The following PTGER3 variants were observed in gnomAD, a reference collection of about 807,000 sequenced individuals.
The protein encoded by PTGER3 is prostaglandin E2 receptor EP3 subtype.
A neutral mutation model predicts 34.7 loss-of-function variants in PTGER3; 22 were observed. That is an observed-to-expected ratio of 0.63 (90% CI 0.45 to 0.91). The LOEUF is 0.91. PTGER3 is among the 40% of genes least tolerant of loss of function. PTGER3 has a pLI of 0.00. For missense variants in PTGER3, 468 were observed against 519.4 expected (o/e 0.90, Z 0.96); for synonymous variants, 241 against 230.1 (o/e 1.05, Z -0.43).
downstream of PTGER3, among the ~76,000 whole-genome samples, chr1:70,948,203 C>T (rs79742773): frequency 2.6e-5 from 4 of 152,032 alleles, no homozygotes; most frequent in African/African-American, 9.7e-5. Flanking sequence ...CCACCCAAAT[C>T]TCTGCTTGAA....
rs535489906 is a variant in PTGER3 at position 71,045,029 on chromosome 1, G to C, written c.897+1652C>G. On this transcript the variant is annotated intron_variant, in intron 1 of 3. Transcript: ENST00000306666. The stretch of plus-strand genomic sequence containing the variant: ...TTCCTCAGCCATAAAAGTAAATACT[G>C]TATATCTAAAACTGGTGCTGGTTTT... Among the ~76,000 whole-genome samples the C allele has an allele frequency of 3.9e-5, 6 of 152,236 alleles. No individual in the cohort carries two copies. The East Asian group carries it at 7.7e-4, about 20-fold the overall frequency.
chr1:71,015,321 G>A (rs74872778), intron 1 of PTGER3, among the ~76,000 whole-genome samples: 13,942 of 152,054 alleles, frequency 0.092, 791 homozygotes, highest in African/African-American at 0.15. Context: ...AGAAAATGTG[G>A]GTCTCTAAGA....
At chr1:70,914,488 T>C (rs188327241) in intron 4 of PTGER3, among the ~76,000 whole-genome samples, 44 of 152,040 alleles carry the variant, frequency 2.9e-4, no homozygotes, top group African/African-American at 9.6e-4. Flanking sequence ...AATATAAGCA[T>C]TTCAAAAACA....
At chr1:70,979,463 T>TGG (rs1654041082) in intron 2 of PTGER3, among the ~76,000 whole-genome samples, 3 of 145,866 alleles carry the variant, frequency 2.1e-5, no homozygotes, top group African/African-American at 5.1e-5. Flanking sequence ...CAGACAGATT[T>TGG]GTCACTTCAG....
intron 4 of PTGER3, among the ~76,000 whole-genome samples, chr1:70,945,818 A>G (rs905733108): frequency 1.3e-5 from 2 of 152,092 alleles, no homozygotes; most frequent in South Asian, 2.1e-4. Context: ...GATGTGCATA[A>G]ACTCAATAGG....
At chr1:70,945,556 T>A (rs1025239793) in intron 4 of PTGER3, among the ~76,000 whole-genome samples, 4 of 152,116 alleles carry the variant, frequency 2.6e-5, no homozygotes, top group Non-Finnish European at 4.4e-5. Context: ...AAGTTTTTTT[T>A]ATGAAAATTT....
intron 4 of PTGER3, among the ~76,000 whole-genome samples, chr1:70,853,262 C>A (rs1214372250): frequency 1.3e-5 from 2 of 152,130 alleles, no homozygotes; most frequent in Non-Finnish European, 2.9e-5. Flanking sequence ...AGGCTAATTT[C>A]AATTTATAGT....
At position 71,047,148 on chromosome 1, in the gene PTGER3, A is replaced by G. The variant is rs750362357; in HGVS notation, c.430T>C (p.Ser144Pro). ...GCCATGGCGCTGGCGATGAACAACG[A>G]GGAGAGCCCGAAAACAGTCATGGTC... The part of the protein sequence containing the change: ...GLTMTVFGLS[S>P]LFIASAMAVE... The change falls in exon 1 of 4, where the codon TCG (serine) becomes CCG (proline). Residue 144 changes from serine (S) to proline (P), a missense_variant. This residue lies in a region of PTGER3 where 53 missense variants were observed against 93.9 expected (regional missense o/e 0.56). Transcript: ENST00000306666. 6.2e-7 allele frequency: 1 copy of G among 1,601,432 alleles called. No individual in the cohort carries two copies. The highest frequency in any genetic ancestry group is 1.7e-5 in the Admixed American group (1 of 57,514).
chr1:70,919,515 A>G (rs1287986468), intron 4 of PTGER3, among the ~76,000 whole-genome samples: 1 of 152,194 alleles, frequency 6.6e-6, no homozygotes, highest in African/African-American at 2.4e-5. Flanking sequence ...TTTAGATTTT[A>G]ATCACCAATC....
Position 70,952,824 on chromosome 1 carries a change from A to C in PTGER3, c.*83T>G, listed in dbSNP as rs1650892460. 6 of 1,417,618 alleles carry C rather than the reference A, an allele frequency of 4.2e-6. 1 individual carries two copies. The South Asian group carries it at 1.1e-4, about 26-fold the overall frequency. The allele number at this position is 1,417,618 out of a possible 1,614,324, so 87.8% of individuals were successfully genotyped here. A position where few individuals can be genotyped will look rare whatever the true frequency, so the allele number is the denominator to read the frequency against. Reference sequence around the variant, plus strand: ...AATCAACACATGGAAAGTGCTCAAAATAAGCAGGGATTAGAGTCACAAACT... The same window carrying C: ...AATCAACACATGGAAAGTGCTCAAACTAAGCAGGGATTAGAGTCACAAACT... On this transcript the variant is annotated 3_prime_UTR_variant, in exon 4 of 4. Transcript: ENST00000356595.
At chr1:70,927,260 C>A (rs1389663153) in intron 4 of PTGER3, among the ~76,000 whole-genome samples, 1 of 151,988 alleles carries the variant, frequency 6.6e-6, no homozygotes, top group African/African-American at 2.4e-5. Flanking sequence ...GGAATGGTAC[C>A]AGTTCTTCCT....
At chr1:71,029,217 A>G (rs1009864320) in intron 1 of PTGER3, among the ~76,000 whole-genome samples, 10 of 152,182 alleles carry the variant, frequency 6.6e-5, no homozygotes, top group African/African-American at 2.4e-4. Context: ...TTCATTTCAC[A>G]ATCATTTATT....
chr1:70,937,934 T>C (rs1204732877), intron 4 of PTGER3, among the ~76,000 whole-genome samples: 4 of 152,232 alleles, frequency 2.6e-5, no homozygotes, highest in Non-Finnish European at 2.9e-5. Context: ...ACCAAATGGG[T>C]AAGAGTTAGT....
chr1:70,957,232 C>T (rs981100109), intron 2 of PTGER3, among the ~76,000 whole-genome samples: 1 of 152,286 alleles, frequency 6.6e-6, no homozygotes, highest in African/African-American at 2.4e-5. Flanking sequence ...CATCTGATTT[C>T]CTTTCAAACT....
intron 1 of PTGER3, among the ~76,000 whole-genome samples, chr1:71,021,345 T>C (rs1356039582): frequency 6.6e-6 from 1 of 152,176 alleles, no homozygotes; most frequent in Non-Finnish European, 1.5e-5. Context: ...GCTCAAGACG[T>C]ATGTCTAGAT....
intron 1 of PTGER3, among the ~76,000 whole-genome samples, chr1:71,029,352 C>T (rs1166539756): frequency 6.6e-6 from 1 of 152,146 alleles, no homozygotes; most frequent in Admixed American, 6.5e-5. Context: ...TGGTTAATTA[C>T]ATAGGCAATA....
At chr1:70,921,218 C>A (rs749021902) in intron 4 of PTGER3, among the ~76,000 whole-genome samples, 1 of 151,988 alleles carries the variant, frequency 6.6e-6, no homozygotes, top group Non-Finnish European at 1.5e-5. Context: ...AATCTAGTAG[C>A]AGAGGTAGAT....
In PTGER3 at chr1:70,971,546, G is replaced by A. The variant is rs1057427731; in HGVS notation, c.*184C>T. 1.2e-4 allele frequency: 145 copies of A among 1,246,264 alleles called. No homozygotes were observed. Among genetic ancestry groups the A allele is most frequent in the Admixed American group, 8.3e-5 (2 of 24,154 alleles). The allele number at this position is 1,246,264 out of a possible 1,614,324, so 77.2% of individuals were successfully genotyped here. ...CAAGAAACCAATCTAATATTCAGAG[G>A]CATGGATTATAATAATAAAGTTGAT... is the stretch of plus-strand genomic sequence containing the variant. On this transcript the variant is annotated 3_prime_UTR_variant, in exon 4 of 4. Coordinates refer to ENST00000306666, the MANE Select transcript of PTGER3 (RefSeq NM_198719.2).
chr1:71,041,335 G>A (rs1660296061), intron 1 of PTGER3, among the ~76,000 whole-genome samples: 1 of 152,192 alleles, frequency 6.6e-6, no homozygotes, highest in Non-Finnish European at 1.5e-5. Context: ...TGTTTGCGTG[G>A]CTGACTGGGA....
Sources: gnomAD v4.1 joint callset for allele counts (sites outside exome capture counted in the v4.1 genomes callset) on GRCh38, gnomAD v4.1.1 for gene constraint, gnomAD v4.1.1 regional missense constraint, MANE v1.5 for transcripts, NCBI Gene and HGNC (gene_info 2026-07-23, HGNC 2026-07-21) for gene names.